The following CNTN4 variants were observed in gnomAD, a reference collection of about 807,000 sequenced individuals.
The protein encoded by CNTN4 is contactin 4.
Under a neutral mutation model 122.5 loss-of-function variants are expected in CNTN4, and 77 were observed. The observed-to-expected ratio is 0.63, with a 90% CI of 0.52 to 0.76. CNTN4 has a LOEUF of 0.76. Among genes scored for constraint, CNTN4 ranks in the 30% least tolerant of loss-of-function variants. The probability of loss-of-function intolerance (pLI) is 0.00; values close to 1 mark genes in which losing one functional copy is unlikely to be tolerated. For synonymous variants in CNTN4, 512 were observed against 447.0 expected, an observed-to-expected ratio of 1.15 and a Z score of -1.83; for missense variants, 1,256 against 1,259.1, an observed-to-expected ratio of 1.00 and a Z score of 0.04.
At chr3:2,159,678 A>G (rs2035874674) in intron 2 of CNTN4, among the ~76,000 whole-genome samples, 1 of 150,834 alleles carries the variant, frequency 6.6e-6, no homozygotes, top group Non-Finnish European at 1.5e-5. Flanking sequence ...GGTGGGCCAT[A>G]TTTTTTTTTG....
At chr3:2,788,806 C>A (rs1052632101) in intron 6 of CNTN4, among the ~76,000 whole-genome samples, 1 of 152,132 alleles carries the variant, frequency 6.6e-6, no homozygotes, top group African/African-American at 2.4e-5. Flanking sequence ...CTGCTGACAC[C>A]CCAGGGCCTG....
chr3:2,170,200 G>A (rs1044602589), intron 2 of CNTN4, among the ~76,000 whole-genome samples: 1 of 150,844 alleles, frequency 6.6e-6, no homozygotes, highest in African/African-American at 2.5e-5. Flanking sequence ...GGCGCCTGTA[G>A]TCCCAGCTAC....
chr3:2,631,835 C>T (rs1372157947), intron 4 of CNTN4, among the ~76,000 whole-genome samples: 2 of 136,136 alleles, frequency 1.5e-5, no homozygotes, highest in Non-Finnish European at 3.0e-5. Flanking sequence ...TCAAGACCAG[C>T]TTGGGCAACA....
chr3:2,119,609 G>A (rs532461359), intron 2 of CNTN4, among the ~76,000 whole-genome samples: 1 of 152,228 alleles, frequency 6.6e-6, no homozygotes, highest in African/African-American at 2.4e-5. Context: ...GTTACTCCCT[G>A]GAAATTTGTA....
intron 4 of CNTN4, among the ~76,000 whole-genome samples, chr3:2,708,628 A>C (rs1452753902): frequency 6.6e-6 from 1 of 152,060 alleles, no homozygotes; most frequent in Non-Finnish European, 1.5e-5. Flanking sequence ...AATATTCAAA[A>C]CCTTAAATCT....
chr3:2,782,836 T>C (rs1345165760), intron 6 of CNTN4, among the ~76,000 whole-genome samples: 2 of 152,190 alleles, frequency 1.3e-5, no homozygotes. Context: ...ACTTAATGTT[T>C]ATGAAGTGCT....
chr3:2,663,188 T>TC (rs545071264), intron 4 of CNTN4, among the ~76,000 whole-genome samples: 10 of 152,180 alleles, frequency 6.6e-5, no homozygotes. Flanking sequence ...TTTTACTTTT[T>TC]CAATGATGGC....
chr3:2,649,427 T>G (rs900467024), intron 4 of CNTN4, among the ~76,000 whole-genome samples: 10 of 152,174 alleles, frequency 6.6e-5, no homozygotes, highest in Non-Finnish European at 1.5e-4. Context: ...CTTAGGACCC[T>G]TATGAATCAT....
At chr3:2,474,985 T>G (rs544529062) in intron 3 of CNTN4, among the ~76,000 whole-genome samples, 2 of 152,326 alleles carry the variant, frequency 1.3e-5, no homozygotes, top group Admixed American at 6.5e-5. Flanking sequence ...TAAATAGCAA[T>G]GCATTCAATA....
chr3:2,735,653 C>T (rs764724402), intron 4 of CNTN4, among the ~76,000 whole-genome samples: 3 of 152,108 alleles, frequency 2.0e-5, no homozygotes, highest in Non-Finnish European at 2.9e-5. Flanking sequence ...CCTAGTCCTT[C>T]GCTGCAGATA....
intron 2 of CNTN4, among the ~76,000 whole-genome samples, chr3:2,104,350 C>T (rs1214007044): frequency 6.6e-6 from 1 of 152,006 alleles, no homozygotes; most frequent in Non-Finnish European, 1.5e-5. Flanking sequence ...TTCCACAGGG[C>T]CTTGTAACAG....
At chr3:3,047,187 A>G (rs1441997224) in intron 23 of CNTN4, among the ~76,000 whole-genome samples, 1 of 152,058 alleles carries the variant, frequency 6.6e-6, no homozygotes, top group Non-Finnish European at 1.5e-5. Flanking sequence ...GGGAGACTTT[A>G]ACACCCCACT....
chr3:2,703,856 T>A (rs1037085101), intron 4 of CNTN4, among the ~76,000 whole-genome samples: 3 of 152,112 alleles, frequency 2.0e-5, no homozygotes, highest in Non-Finnish European at 4.4e-5. Flanking sequence ...AGCTAAGTAT[T>A]ACACTACAAA....
Position 2,904,643 on chromosome 3 carries a change from T to A in CNTN4, c.1207+1638T>A, listed in dbSNP as rs549521663. Among the ~76,000 whole-genome samples, 5 of 152,304 alleles carry A rather than the reference T, an allele frequency of 3.3e-5. No individual in the cohort carries two copies. The South Asian group carries it at 1.0e-3, about 32-fold the overall frequency. On this transcript the variant is annotated intron_variant, in intron 12 of 24. Transcript: ENST00000418658. Reference sequence around the variant, plus strand: ...TTTTCAACCCCTTCCAGGACACATATGATGATTCCCTTCTGCCCGGATTTG... The same window carrying A: ...TTTTCAACCCCTTCCAGGACACATAAGATGATTCCCTTCTGCCCGGATTTG...
chr3:2,362,498 CTCCA>C, intron 3 of CNTN4: 4 of 525,676 alleles, frequency 7.6e-6, no homozygotes, highest in Non-Finnish European at 1.5e-5. Context: ...CCTGAGGTGG[CTCCA>C]TAGGCTCCTG....
At chr3:2,570,415 G>T (rs993411972) in intron 3 of CNTN4, among the ~76,000 whole-genome samples, 2 of 152,196 alleles carry the variant, frequency 1.3e-5, no homozygotes, top group African/African-American at 4.8e-5. Flanking sequence ...GGCCTCAAGA[G>T]ATCCTCCCAT....
At chr3:2,780,886 C>T (rs1047591912) in intron 6 of CNTN4, among the ~76,000 whole-genome samples, 3 of 152,116 alleles carry the variant, frequency 2.0e-5, no homozygotes, top group South Asian at 2.1e-4. Context: ...ATTGTGAATT[C>T]GTTGCTGATT....
At chr3:2,732,955 T>C (rs555175339) in intron 4 of CNTN4, among the ~76,000 whole-genome samples, 5 of 152,144 alleles carry the variant, frequency 3.3e-5, no homozygotes, top group Non-Finnish European at 7.4e-5. Context: ...TATGAGAAAA[T>C]AAAAACTTTA....
intron 3 of CNTN4, among the ~76,000 whole-genome samples, chr3:2,452,145 G>T (rs1054166010): frequency 1.3e-5 from 2 of 152,122 alleles, no homozygotes; most frequent in Non-Finnish European, 2.9e-5. Context: ...CAGGAAAAAT[G>T]GGAACAGGAA....
Sources: gnomAD v4.1 joint callset for allele counts (sites outside exome capture counted in the v4.1 genomes callset) on GRCh38, gnomAD v4.1.1 for gene constraint, MANE v1.5 for transcripts, NCBI Gene and HGNC (gene_info 2026-07-23, HGNC 2026-07-21) for gene names.